Variants in MYOG observed in about 807,000 individuals in gnomAD.
MYOG encodes myogenin, also known as class C basic helix-loop-helix protein 3.
Under a neutral mutation model 17.7 loss-of-function variants are expected in MYOG, and 6 were observed. That is an observed-to-expected ratio of 0.34 (90% CI 0.19 to 0.67). The LOEUF is 0.67. Ranked by LOEUF, MYOG falls within the 30% of genes least tolerant of loss-of-function variation. MYOG has a pLI of 0.69. For synonymous variants in MYOG, 125 were observed against 130.2 expected (o/e 0.96, Z 0.27); for missense variants, 272 against 302.0 (o/e 0.90, Z 0.74).
chr1:203,085,650 C>A lies in MYOG; in HGVS notation c.312G>T (p.Leu104=). Residue 104 remains leucine (L), a synonymous_variant, in exon 1 of 3, where the codon CTG becomes CTT. Coordinates refer to ENST00000241651, the MANE Select transcript of MYOG (RefSeq NM_002479.6). ...TGGGGTTGAGCAGGGTGCTTCTCTT[C>A]AGGGCCTCGAAGGCCTCATTCACCT... is the stretch of plus-strand genomic sequence containing the variant. ...LKKVNEAFEA[L]KRSTLLNPNQ... is the part of the protein sequence containing the mutation. 1.2e-6 allele frequency: 2 copies of A among 1,614,228 alleles called. No individual in the cohort carries two copies. Among genetic ancestry groups the A allele is most frequent in the Non-Finnish European group, 1.7e-6 (2 of 1,180,036 alleles).
Position 203,083,183 on chromosome 1 carries a change from C to CAAAAAAAAAAAAAAAAAAA in MYOG, c.*708_*726dup, listed in dbSNP as rs71142588. On this transcript the variant is annotated 3_prime_UTR_variant, in exon 3 of 3. Transcript: ENST00000241651. Reference sequence around the variant, plus strand: ...AAAAAAGGAAATCCAAATAAGTTAGCAAAAAAAAAAAAAAAAAAAAAAAAT... The same window carrying CAAAAAAAAAAAAAAAAAAA: ...AAAAAAGGAAATCCAAATAAGTTAGCAAAAAAAAAAAAAAAAAAAAAAAAAAAAAAAAAAAAAAAAAAAT... 1 of 99,376 alleles carries CAAAAAAAAAAAAAAAAAAA rather than the reference C, an allele frequency of 1.0e-5. No homozygotes were observed. Among genetic ancestry groups the CAAAAAAAAAAAAAAAAAAA allele is most frequent in the Non-Finnish European group, 2.1e-5 (1 of 48,536 alleles). 6.2% of individuals were successfully genotyped at this position (99,376 alleles called of 1,614,324 possible). A position where few individuals can be genotyped will look rare whatever the true frequency, so the allele number is the denominator to read the frequency against.
Position 203,085,519 on chromosome 1 carries a change from T to G in MYOG, c.443A>C (p.Tyr148Ser). Residue 148 changes from tyrosine (Y) to serine (S), a missense_variant, in exon 1 of 3, where the codon TAC (tyrosine) becomes TCC (serine). Tyr to Ser is a moderately radical substitution (Grantham distance 144, BLOSUM62 -2). Transcript: ENST00000241651. ...SLNQEERDLRYRGGGGPQPGV... is the reference protein window; with the variant it reads ...SLNQEERDLRSRGGGGPQPGV... ...TGGCTGGGGCCCGCCCCCGCCCCGG[T>G]AGCGGAGGTCACGCTCCTCCTGGTT... is the stretch of plus-strand genomic sequence containing the variant. 1.2e-6 allele frequency: 2 copies of G among 1,613,564 alleles called. No homozygotes were observed. Among genetic ancestry groups the G allele is most frequent in the Non-Finnish European group, 1.7e-6 (2 of 1,179,684 alleles).
Position 203,083,691 on chromosome 1 carries a change from C to T in MYOG, c.*219G>A. 1 of 666,746 alleles carries T rather than the reference C, an allele frequency of 1.5e-6. No individual in the cohort carries two copies. Among genetic ancestry groups the T allele is most frequent in the South Asian group, 2.0e-5 (1 of 49,132 alleles). The allele number at this position is 666,746 out of a possible 1,614,324, so 41.3% of individuals were successfully genotyped here. On this transcript the variant is annotated 3_prime_UTR_variant, in exon 3 of 3. Transcript: ENST00000241651. ...TTTACCTCCCTGGAAAGGGGATGCC[C>T]TCTCCTCTAAGGAGGCAGCTGAATG...
chr1:203,083,439 T>C lies in MYOG; in HGVS notation c.*471A>G, dbSNP rs1173410625. 1.3e-5 allele frequency: 5 copies of C among 382,114 alleles called. No individual in the cohort carries two copies. Among genetic ancestry groups the C allele is most frequent in the Non-Finnish European group, 1.9e-5 (4 of 214,590 alleles). 23.7% of individuals were successfully genotyped at this position (382,114 alleles called of 1,614,324 possible). On this transcript the variant is annotated 3_prime_UTR_variant, in exon 3 of 3. Coordinates refer to ENST00000241651, the MANE Select transcript of MYOG (RefSeq NM_002479.6). ...CAGGGACTTGGGAACAGAGGGCTGT[T>C]CCTCTCCCCTTCTTCTCTCTCAATT...
rs545967210 is a variant in MYOG, at chr1:203,085,009, C to T, written c.472-281G>A. Among the ~76,000 whole-genome samples the T allele has an allele frequency of 6.7e-4, 102 of 152,326 alleles. 1 individual carries two copies. Among genetic ancestry groups the T allele is most frequent in the African/African-American group, 2.0e-3 (84 of 41,572 alleles). ...GGGTCCCTGGTTCTCCTGACTCTGG[C>T]GATAAGGGTGATGGAGACAGATTTT... On this transcript the variant is annotated intron_variant, in intron 1 of 2. Transcript: ENST00000241651.
chr1:203,084,195 AGTGTGTGT>A (rs3835486), intron 2 of MYOG, among the ~76,000 whole-genome samples, 164 bp from the exon 3 acceptor site: 51 of 135,494 alleles, frequency 3.8e-4, no homozygotes, highest in African/African-American at 8.9e-4. Context: ...ATGCTCTGTG[AGTGTGTGT>A]GTGTGTGTGT....
In MYOG at chr1:203,084,628, C is replaced by G; in HGVS notation, c.553+19G>C. The G allele has an allele frequency of 6.2e-7, 1 of 1,600,926 alleles. No homozygotes were observed. Among genetic ancestry groups the G allele is most frequent in the South Asian group, 1.1e-5 (1 of 89,114 alleles). On this transcript the variant is annotated intron_variant, in intron 2 of 2. Transcript: ENST00000241651. ...GACTGAGGGATTGGAGCCAAGGTTA[C>G]CAGTCAGGCCTTACTTACCCCCTGG...
rs139729314 is a variant in MYOG at position 203,085,605 on chromosome 1, C to T, written c.357G>A (p.Val119=). The change falls in exon 1 of 3, where the codon GTG becomes GTA. Residue 119 remains valine (V), a synonymous_variant. Coordinates refer to ENST00000241651, the MANE Select transcript of MYOG (RefSeq NM_002479.6). ...LLNPNQRLPK[V]EILRSAIQYI... ...ACTGGATGGCACTGCGCAGGATCTC[C>T]ACCTTGGGCAGCCGCTGGTTGGGGT... is the stretch of plus-strand genomic sequence containing the variant. 2,438 of 1,614,144 alleles carry T rather than the reference C, an allele frequency of 1.5e-3. 5 individuals carry two copies. Among genetic ancestry groups the T allele is most frequent in the Admixed American group, 2.1e-3 (126 of 60,024 alleles).
chr1:203,084,663 G>A lies in MYOG; in HGVS notation c.537C>T (p.Phe179=), dbSNP rs1285800013. The change falls in exon 2 of 3, where the codon TTC becomes TTT. Residue 179 remains phenylalanine, a synonymous_variant. Transcript: ENST00000241651. ...CSPEWGSALE[F]SANPGDHLLT... The stretch of plus-strand genomic sequence containing the variant: ...CTTACTTACCCCCTGGGTTGGCGCT[G>A]AACTCCAGTGCACTGCCCCACTCTG... The A allele has an allele frequency of 3.7e-6, 6 of 1,610,698 alleles. 1 individual carries two copies. The Admixed American group carries it at 6.7e-5, about 18-fold the overall frequency.
intron 1 of MYOG, 47 bp downstream of exon 1, chr1:203,085,444 C>T (rs1377214666): frequency 2.6e-6 from 4 of 1,525,720 alleles, no homozygotes; most frequent in Non-Finnish European, 3.5e-6. Flanking sequence ...CAGGTGCCTC[C>T]CTCTGGCCCC....
intron 1 of MYOG, 117 bp downstream of exon 1, chr1:203,085,374 T>C: frequency 1.0e-6 from 1 of 964,282 alleles, no homozygotes; most frequent in Non-Finnish European, 1.5e-6. Flanking sequence ...CTGCAGCCCC[T>C]CGACCCTGTC....
rs918530764 is a variant in MYOG, at chr1:203,085,965, G to A, written c.-4C>T. ...GGGATGTCTCATACAGCTCCATGGG[G>A]TCGGAAAAGGCTTGTTCCTGCCACC... On this transcript the variant is annotated 5_prime_UTR_variant, in exon 1 of 3. Transcript: ENST00000241651. The A allele has an allele frequency of 6.5e-7, 1 of 1,545,610 alleles. No individual in the cohort carries two copies. Among genetic ancestry groups the A allele is most frequent in the Non-Finnish European group, 8.7e-7 (1 of 1,146,248 alleles).
chr1:203,085,796 C>CCAG lies in MYOG; in HGVS notation c.163_165dup (p.Leu55dup). 1 of 1,613,916 alleles carries CCAG rather than the reference C, an allele frequency of 6.2e-7. No individual in the cohort carries two copies. The highest frequency in any genetic ancestry group is 8.5e-7 in the Non-Finnish European group (1 of 1,179,888). On this transcript the variant is annotated inframe_insertion, in exon 1 of 3. Transcript: ENST00000241651. ...TGGCCTGGACAGTGCTCGGGGGTCCCCAGCCCCTTGTCCTCAAGGGGCCCT... is the reference window on the plus strand; with the variant it reads ...TGGCCTGGACAGTGCTCGGGGGTCCCCAGCAGCCCCTTGTCCTCAAGGGGCCCT...
intron 1 of MYOG, 134 bp from the exon 2 acceptor site, chr1:203,084,862 G>T (rs1460676416): frequency 3.6e-6 from 3 of 830,158 alleles, no homozygotes; most frequent in Non-Finnish European, 5.8e-6. Context: ...TCCAGCCCAG[G>T]CCATCCCCAA....
In MYOG at chr1:203,084,725, G is replaced by A; in HGVS notation, c.475C>T (p.Pro159Ser). 1.2e-6 allele frequency: 2 copies of A among 1,607,562 alleles called. No individual in the cohort carries two copies. The highest frequency in any genetic ancestry group is 1.7e-6 in the Non-Finnish European group (2 of 1,177,052). ...RGGGGPQPGV[P>S]SECSSHSASC... ...GCGCTGTGAGAGCTGCATTCGCTGGGCACCTGCAAGACAGGGCGAAGGCCC... is the reference window on the plus strand; with the variant it reads ...GCGCTGTGAGAGCTGCATTCGCTGGACACCTGCAAGACAGGGCGAAGGCCC... The change falls in exon 2 of 3, where the codon CCC becomes TCC. Residue 159 changes from proline (P) to serine (S), a missense_variant. Physicochemically the swap from Pro to Ser is moderately conservative, Grantham distance 74. Transcript: ENST00000241651.
In MYOG at chr1:203,083,562, T is replaced by C. The variant is rs1267751796; in HGVS notation, c.*348A>G. 3 of 518,192 alleles carry C rather than the reference T, an allele frequency of 5.8e-6. No homozygotes were observed. Among genetic ancestry groups the C allele is most frequent in the East Asian group, 5.7e-5 (2 of 35,270 alleles). 32.1% of individuals were successfully genotyped at this position (518,192 alleles called of 1,614,324 possible). On this transcript the variant is annotated 3_prime_UTR_variant, in exon 3 of 3. Transcript: ENST00000241651. ...CAGGGCACTGCGTCTCTCAAACCGT[T>C]TCACTTGGGGGGTGGAATTAGAGGC...
At position 203,083,860 on chromosome 1, in the gene MYOG, C is replaced by G. The variant is rs569978987; in HGVS notation, c.*50G>C. 5.1e-6 allele frequency: 8 copies of G among 1,567,102 alleles called. No homozygotes were observed. In the Admixed American group the frequency reaches 1.3e-4, roughly 26 times the overall value. On this transcript the variant is annotated 3_prime_UTR_variant, in exon 3 of 3. Coordinates refer to ENST00000241651, the MANE Select transcript of MYOG (RefSeq NM_002479.6). Reference sequence around the variant, plus strand: ...GCCCCTGCTACAGAAGTAGTGGCATCTGTGGCCAGCTTGGGGGGCTCGCAA... The same window carrying G: ...GCCCCTGCTACAGAAGTAGTGGCATGTGTGGCCAGCTTGGGGGGCTCGCAA...
rs1259519468 is a variant in MYOG at position 203,085,836 on chromosome 1, C to A, written c.126G>T (p.Leu42=). The A allele has an allele frequency of 6.2e-7, 1 of 1,613,894 alleles. No homozygotes were observed. The highest frequency in any genetic ancestry group is 1.3e-5 in the African/African-American group (1 of 74,906). ...CAAGGGGCCCTGGGGCCTCGGGGCT[C>A]AGGGTGAGCTCCGTCCGCTCGTAGC... ...PPGYERTELT[L]SPEAPGPLED... is the part of the protein sequence containing the mutation. The change falls in exon 1 of 3, where the codon CTG becomes CTT. Residue 42 remains leucine, a synonymous_variant. Coordinates refer to ENST00000241651, the MANE Select transcript of MYOG (RefSeq NM_002479.6).
intron 1 of MYOG, 37 bp downstream of exon 1, chr1:203,085,454 C>T (rs1265224128): frequency 4.5e-6 from 7 of 1,561,428 alleles, no homozygotes; most frequent in South Asian, 2.4e-5. Context: ...CCTCTGGCCC[C>T]GTCCCCTTGG....
Sources: allele counts gnomAD v4.1 joint callset (sites outside exome capture counted in the v4.1 genomes callset), GRCh38; gene constraint gnomAD v4.1.1; transcripts MANE v1.5; gene names NCBI Gene and HGNC (gene_info 2026-07-23, HGNC 2026-07-21).